NRG3: variants seen among roughly 807,000 people sequenced by gnomAD.
NRG3 encodes neuregulin 3, also known as pro-neuregulin-3, membrane-bound isoform.
Under a neutral mutation model 66.9 loss-of-function variants are expected in NRG3, and 31 were observed. The observed-to-expected ratio is 0.46, with a 90% CI of 0.35 to 0.63. The LOEUF (loss-of-function observed/expected upper bound fraction) is 0.63, where lower values mean the gene tolerates loss of function less well. Among genes scored for constraint, NRG3 ranks in the 20% least tolerant of loss-of-function variants. NRG3 has a pLI of 0.00. For missense variants in NRG3, 910 were observed against 878.9 expected, an observed-to-expected ratio of 1.04 and a Z score of -0.45; for synonymous variants, 393 against 359.4, an observed-to-expected ratio of 1.09 and a Z score of -1.06.
At chr10:82,725,255 T>C (rs575018847) in intron 2 of NRG3, among the ~76,000 whole-genome samples, 21 of 152,338 alleles carry the variant, frequency 1.4e-4, no homozygotes, top group Non-Finnish European at 2.1e-4. Context: ...GTTCAGATTT[T>C]ATGCAAAGCT....
At chr10:82,269,709 G>A (rs1186395528) in intron 1 of NRG3, among the ~76,000 whole-genome samples, 1 of 152,080 alleles carries the variant, frequency 6.6e-6, no homozygotes, top group African/African-American at 2.4e-5. Flanking sequence ...AAACTTCAGC[G>A]GGATCAAGAC....
chr10:82,901,350 G>A (rs1456287548), intron 4 of NRG3, among the ~76,000 whole-genome samples: 1 of 152,148 alleles, frequency 6.6e-6, no homozygotes, highest in Non-Finnish European at 1.5e-5. Context: ...GTGTGTGTAT[G>A]TATGGCTTTT....
At chr10:82,643,838 G>A (rs997896092) in intron 2 of NRG3, among the ~76,000 whole-genome samples, 40 of 150,684 alleles carry the variant, frequency 2.7e-4, no homozygotes, top group African/African-American at 7.6e-4. Context: ...CAGCTCCTCC[G>A]TTTCTTTTGA....
chr10:82,473,713 A>G (rs536929300), intron 2 of NRG3, among the ~76,000 whole-genome samples: 2 of 152,250 alleles, frequency 1.3e-5, no homozygotes, highest in Non-Finnish European at 2.9e-5. Flanking sequence ...TGAACTGAAG[A>G]TTGCAGAGAA....
At position 82,110,752 on chromosome 10, in the gene NRG3, A is replaced by G. The variant is rs1003598218; in HGVS notation, c.823+234589A>G. 3.3e-5 allele frequency among the ~76,000 whole-genome samples: 5 copies of G among 152,232 alleles called. No individual in the cohort carries two copies. In the East Asian group the frequency reaches 5.8e-4, roughly 18 times the overall value. ...GTTTATGTCAGATGTCTTTATATCT[A>G]TTAGATGTCTACTAGACATCCCAGT... On this transcript the variant is annotated intron_variant, in intron 1 of 8. Coordinates refer to ENST00000372141, the MANE Select transcript of NRG3 (RefSeq NM_001010848.4).
intron 2 of NRG3, among the ~76,000 whole-genome samples, chr10:82,389,087 C>T (rs1589951050): frequency 6.6e-6 from 1 of 152,238 alleles, no homozygotes; most frequent in East Asian, 1.9e-4. Context: ...TCTTACAAAC[C>T]TTTGTGTGCA....
At chr10:82,552,240 T>C (rs986541614) in intron 2 of NRG3, among the ~76,000 whole-genome samples, 1 of 152,174 alleles carries the variant, frequency 6.6e-6, no homozygotes, top group Non-Finnish European at 1.5e-5. Flanking sequence ...TACCCAATGA[T>C]ATTGTTCATA....
At chr10:82,968,854 T>C (rs1851459142) in intron 6 of NRG3, among the ~76,000 whole-genome samples, 1 of 152,186 alleles carries the variant, frequency 6.6e-6, no homozygotes, top group African/African-American at 2.4e-5. Context: ...AGAGGTTTAA[T>C]GGACTCACAG....
At position 82,472,242 on chromosome 10, in the gene NRG3, G is replaced by A. The variant is rs182763056; in HGVS notation, c.953+113374G>A. ...CTGGGGCATTGAACACATTTTATTC[G>A]AAATAGGTTTTGTATGGATGTGTGC... On this transcript the variant is annotated intron_variant, in intron 2 of 8. Transcript: ENST00000372141. Among the ~76,000 whole-genome samples the A allele has an allele frequency of 5.7e-4, 87 of 152,236 alleles. 1 individual carries two copies. Among genetic ancestry groups the A allele is most frequent in the Admixed American group, 2.7e-3 (41 of 15,292 alleles).
At chr10:82,257,452 T>C (rs1731037026) in intron 1 of NRG3, among the ~76,000 whole-genome samples, 1 of 152,124 alleles carries the variant, frequency 6.6e-6, no homozygotes, top group Non-Finnish European at 1.5e-5. Context: ...TAGCAAACAT[T>C]TATAAATACA....
intron 2 of NRG3, among the ~76,000 whole-genome samples, chr10:82,649,707 G>A (rs752779786): frequency 6.6e-5 from 10 of 151,896 alleles, no homozygotes; most frequent in Non-Finnish European, 1.3e-4. Context: ...GCCCACTTCA[G>A]CCTCCCAAAG....
chr10:82,682,665 A>G (rs943696676), intron 2 of NRG3, among the ~76,000 whole-genome samples: 2 of 152,180 alleles, frequency 1.3e-5, no homozygotes, highest in African/African-American at 4.8e-5. Flanking sequence ...GAAGATCCGA[A>G]CATCTCTTAA....
intron 7 of NRG3, among the ~76,000 whole-genome samples, chr10:82,978,409 G>T (rs1281174545): frequency 6.6e-6 from 1 of 152,178 alleles, no homozygotes; most frequent in Non-Finnish European, 1.5e-5. Context: ...AGTTTGTCAA[G>T]ATTGATTAAA....
In NRG3 at chr10:82,784,920, T is replaced by G. The variant is rs2060281208; in HGVS notation, c.1027+46270T>G. Among the ~76,000 whole-genome samples, 3 of 152,218 alleles carry G rather than the reference T, an allele frequency of 2.0e-5. 1 individual carries two copies. In the South Asian group the frequency reaches 6.2e-4, roughly 32 times the overall value. On this transcript the variant is annotated intron_variant, in intron 3 of 8. Transcript: ENST00000372141. ...CACATGCACACGTATGTTCATTTCATCACTATTCACAATAGCAAAGACTTG... is the reference window on the plus strand; with the variant it reads ...CACATGCACACGTATGTTCATTTCAGCACTATTCACAATAGCAAAGACTTG...
rs570567208 is a variant in NRG3 at position 82,194,921 on chromosome 10, T to C, written c.824-163818T>C. 2.0e-5 allele frequency among the ~76,000 whole-genome samples: 3 copies of C among 152,268 alleles called. No individual in the cohort carries two copies. In the East Asian group the frequency reaches 5.8e-4, roughly 29 times the overall value. ...TCAGTGCTTTTTCAAAGCCCTGTTC[T>C]CCTTTGAAAACTTCCTCTCTCCCTT... On this transcript the variant is annotated intron_variant, in intron 1 of 8. Transcript: ENST00000372141.
At chr10:82,756,315 GT>G (rs1317915817) in intron 3 of NRG3, among the ~76,000 whole-genome samples, 2 of 152,040 alleles carry the variant, frequency 1.3e-5, no homozygotes, top group Non-Finnish European at 2.9e-5. Flanking sequence ...GACTAATTCT[GT>G]TTGGGGTCAG....
At chr10:82,923,208 C>G (rs759686168) in intron 4 of NRG3, among the ~76,000 whole-genome samples, 5 of 152,214 alleles carry the variant, frequency 3.3e-5, no homozygotes, top group Admixed American at 6.5e-5. Flanking sequence ...ATATTACATG[C>G]TCTCTTTCCC....
intron 1 of NRG3, among the ~76,000 whole-genome samples, chr10:82,335,471 G>C (rs2082341881): frequency 6.6e-6 from 1 of 152,070 alleles, no homozygotes; most frequent in African/African-American, 2.4e-5. Context: ...TTGACAGGTA[G>C]GTACTCTCAT....
intron 1 of NRG3, among the ~76,000 whole-genome samples, chr10:81,943,145 C>CT (rs1230799321): frequency 6.6e-6 from 1 of 152,074 alleles, no homozygotes; most frequent in African/African-American, 2.4e-5. Context: ...CCTAGCAACT[C>CT]TGGAGGCTGA....
Sources: allele counts gnomAD v4.1 joint callset (sites outside exome capture counted in the v4.1 genomes callset), GRCh38; gene constraint gnomAD v4.1.1; transcripts MANE v1.5; gene names NCBI Gene and HGNC (gene_info 2026-07-23, HGNC 2026-07-21).